Variants in DSCAM observed in about 807,000 individuals in gnomAD.
The protein encoded by DSCAM is cell adhesion molecule DSCAM.
In DSCAM, 47 loss-of-function variants were observed where a neutral mutation model predicts 217.7. That is an observed-to-expected ratio of 0.22 (90% CI 0.17 to 0.28). The LOEUF (loss-of-function observed/expected upper bound fraction) is 0.28, where lower values mean the gene tolerates loss of function less well. Among genes scored for constraint, DSCAM ranks in the 10% least tolerant of loss-of-function variants. DSCAM has a pLI of 1.00. For missense variants in DSCAM, 2,080 were observed against 2,618.3 expected (o/e 0.79, Z 4.49); for synonymous variants, 1,056 against 1,015.3 (o/e 1.04, Z -0.76).
chr21:40,373,613 T>C (rs2074921343), intron 3 of DSCAM, among the ~76,000 whole-genome samples: 1 of 152,220 alleles, frequency 6.6e-6, no homozygotes, highest in Admixed American at 6.5e-5. Context: ...GTTATTCTAA[T>C]ACAAATACTT....
chr21:40,246,975 T>C (rs548056555), intron 11 of DSCAM, among the ~76,000 whole-genome samples: 199 of 152,200 alleles, frequency 1.3e-3, no homozygotes, highest in African/African-American at 4.5e-3. Context: ...CTCAGCATCA[T>C]GGGGCGCAGG....
At chr21:40,358,115 G>A (rs1021198002) in intron 4 of DSCAM, among the ~76,000 whole-genome samples, 4 of 152,142 alleles carry the variant, frequency 2.6e-5, no homozygotes, top group African/African-American at 9.7e-5. Context: ...TTTCTTTGCA[G>A]AATAATCCCA....
intron 1 of DSCAM, among the ~76,000 whole-genome samples, chr21:40,709,420 C>G (rs1021257720): frequency 6.6e-6 from 1 of 152,118 alleles, no homozygotes; most frequent in South Asian, 2.1e-4. Context: ...ATACACGTGC[C>G]GTGGTGGTTT....
intron 5 of DSCAM, among the ~76,000 whole-genome samples, chr21:40,352,037 G>A (rs2074636562): frequency 6.6e-6 from 1 of 152,168 alleles, no homozygotes; most frequent in African/African-American, 2.4e-5. Context: ...ACCCATTTAT[G>A]CCTGAGGTTG....
chr21:40,505,796 C>A (rs549196103), intron 3 of DSCAM, among the ~76,000 whole-genome samples: 1 of 152,282 alleles, frequency 6.6e-6, no homozygotes, highest in Admixed American at 6.5e-5. Flanking sequence ...ATATGCAGTG[C>A]TTCTCATTTA....
chr21:40,563,660 T>A (rs552444209), intron 3 of DSCAM, among the ~76,000 whole-genome samples: 3 of 119,940 alleles, frequency 2.5e-5, no homozygotes, highest in African/African-American at 1.1e-4. Context: ...ATGTTTATGT[T>A]TGTTTATATA....
chr21:40,620,096 AAGAG>A (rs1191567283), intron 3 of DSCAM, among the ~76,000 whole-genome samples: 10 of 107,052 alleles, frequency 9.3e-5, no homozygotes, highest in Admixed American at 5.1e-4. Context: ...AAGAGAGAGA[AAGAG>A]AGAGAAAAAA....
chr21:40,495,219 A>T (rs189590936), intron 3 of DSCAM, among the ~76,000 whole-genome samples: 53 of 152,238 alleles, frequency 3.5e-4, no homozygotes, highest in Non-Finnish European at 6.6e-4. Flanking sequence ...GAAGCTTGCA[A>T]CTCATTTAAC....
intron 1 of DSCAM, among the ~76,000 whole-genome samples, chr21:40,737,457 G>T (rs1008711504): frequency 2.0e-5 from 3 of 152,092 alleles, no homozygotes; most frequent in Non-Finnish European, 4.4e-5. Flanking sequence ...GGCCAACATG[G>T]TGAATCCCCA....
rs892368024 is a variant in DSCAM, at chr21:40,548,787, T to C, written c.508+144023A>G. On this transcript the variant is annotated intron_variant, in intron 3 of 32. Transcript: ENST00000400454. ...ATTAGGTAGGCATGACTTTGGGATA[T>C]ATAATTGTCCGTTAGAAGACAAATT... Among the ~76,000 whole-genome samples, 12 of 152,232 alleles carry C rather than the reference T, an allele frequency of 7.9e-5. No homozygotes were observed. In the East Asian group the frequency reaches 1.9e-3, roughly 24 times the overall value.
intron 8 of DSCAM, among the ~76,000 whole-genome samples, chr21:40,331,283 T>C (rs557804739): frequency 2.6e-5 from 4 of 152,262 alleles, no homozygotes; most frequent in African/African-American, 9.6e-5. Flanking sequence ...AAAGCAGGAG[T>C]GGGGAAACTG....
At position 40,323,099 on chromosome 21, in the gene DSCAM, A is replaced by T. The variant is rs1458679111; in HGVS notation, c.1784-10740T>A. Among the ~76,000 whole-genome samples the T allele has an allele frequency of 2.0e-5, 3 of 152,120 alleles. No homozygotes were observed. The East Asian group carries it at 5.8e-4, about 30-fold the overall frequency. On this transcript the variant is annotated intron_variant, in intron 8 of 32. Transcript: ENST00000400454. The stretch of plus-strand genomic sequence containing the variant: ...CTGATTGAGGAGCAATTCTGCCCAA[A>T]CTCAGGACAACCCTGAAGGACTGTT...
chr21:40,472,510 T>C (rs762080900), intron 3 of DSCAM, among the ~76,000 whole-genome samples: 22 of 152,206 alleles, frequency 1.4e-4, no homozygotes, highest in Admixed American at 6.5e-4. Flanking sequence ...TCTTGTTGTA[T>C]TGGATATACT....
In DSCAM at chr21:40,248,219, C is replaced by A. The variant is rs558960598; in HGVS notation, c.2356+27878G>T. The stretch of plus-strand genomic sequence containing the variant: ...TCTGACATGCCCTGGAGACATTTTC[C>A]CCATTATCCTGGGAATTAACATTTG... On this transcript the variant is annotated intron_variant, in intron 11 of 32. Transcript: ENST00000400454. 8.5e-5 allele frequency among the ~76,000 whole-genome samples: 13 copies of A among 152,312 alleles called. No individual in the cohort carries two copies. The East Asian group carries it at 2.5e-3, about 29-fold the overall frequency.
intron 11 of DSCAM, among the ~76,000 whole-genome samples, chr21:40,190,829 A>G (rs894667852): frequency 3.3e-5 from 5 of 152,324 alleles, no homozygotes; most frequent in African/African-American, 1.2e-4. Flanking sequence ...ATGATTGAGA[A>G]CCAGCCTCCC....
chr21:40,120,463 C>T (rs1184696394), intron 20 of DSCAM, among the ~76,000 whole-genome samples: 3 of 152,110 alleles, frequency 2.0e-5, no homozygotes, highest in African/African-American at 7.2e-5. Context: ...TAGACGGGAG[C>T]GTTGGGGAGG....
intron 3 of DSCAM, among the ~76,000 whole-genome samples, chr21:40,447,667 G>T (rs1235830576): frequency 6.6e-6 from 1 of 152,124 alleles, no homozygotes; most frequent in Non-Finnish European, 1.5e-5. Flanking sequence ...CCTTACTGTG[G>T]TTATGGCAAC....
chr21:40,108,336 C>G (rs1224451377), intron 20 of DSCAM, among the ~76,000 whole-genome samples: 1 of 152,150 alleles, frequency 6.6e-6, no homozygotes, highest in African/African-American at 2.4e-5. Flanking sequence ...GCGAAAATCA[C>G]TAGCATTCCT....
At position 40,585,419 on chromosome 21, in the gene DSCAM, CA is replaced by C. The variant is rs71186946; in HGVS notation, c.508+107390del. 6.6e-3 allele frequency among the ~76,000 whole-genome samples: 577 copies of C among 86,906 alleles called. 1 individual carries two copies. Among genetic ancestry groups the C allele is most frequent in the African/African-American group, 0.019 (467 of 25,024 alleles). 57.0% of individuals were successfully genotyped at this position (86,906 alleles called of 152,430 possible). ...TGGGCGACAGAGCAAGACTCCGTCT[CA>C]AAAAAAAAAAAAAAAAAAAAAAAGA... is the stretch of plus-strand genomic sequence containing the variant. On this transcript the variant is annotated intron_variant, in intron 3 of 32. Transcript: ENST00000400454.
Sources: gnomAD v4.1 joint callset for allele counts (sites outside exome capture counted in the v4.1 genomes callset) on GRCh38, gnomAD v4.1.1 for gene constraint, MANE v1.5 for transcripts, NCBI Gene and HGNC (gene_info 2026-07-23, HGNC 2026-07-21) for gene names.